The following MAGI1 variants were observed in gnomAD, a reference collection of about 807,000 sequenced individuals.
MAGI1 encodes the protein membrane-associated guanylate kinase, WW and PDZ domain-containing protein 1.
Under a neutral mutation model 139.9 loss-of-function variants are expected in MAGI1, and 58 were observed. The ratio of observed to expected loss-of-function variants is 0.41; its 90% CI spans 0.34 to 0.52. The LOEUF (loss-of-function observed/expected upper bound fraction) is 0.52, where lower values mean the gene tolerates loss of function less well. Ranked by LOEUF, MAGI1 falls within the 20% of genes least tolerant of loss-of-function variation. MAGI1 has a pLI of 0.12. For missense variants in MAGI1, 1,874 were observed against 1,901.6 expected, an observed-to-expected ratio of 0.99 and a Z score of 0.27; for synonymous variants, 812 against 737.9, an observed-to-expected ratio of 1.10 and a Z score of -1.63.
intron 2 of MAGI1, among the ~76,000 whole-genome samples, chr3:65,599,993 T>C (rs2082405955): frequency 6.6e-6 from 1 of 152,248 alleles, no homozygotes; most frequent in Non-Finnish European, 1.5e-5. Flanking sequence ...GGGAATACTT[T>C]ATCAACCATG....
At chr3:65,977,141 T>C (rs2065304208) in intron 1 of MAGI1, among the ~76,000 whole-genome samples, 1 of 152,192 alleles carries the variant, frequency 6.6e-6, no homozygotes, top group Non-Finnish European at 1.5e-5. Context: ...TCTTTCCATC[T>C]AACTTGTGCT....
chr3:65,568,301 C>T (rs904224307), intron 2 of MAGI1, among the ~76,000 whole-genome samples: 5 of 152,094 alleles, frequency 3.3e-5, no homozygotes, highest in Non-Finnish European at 5.9e-5. Context: ...TATTTTTTGA[C>T]TGGACACTTT....
chr3:65,775,914 C>T (rs2038381866), intron 1 of MAGI1, among the ~76,000 whole-genome samples: 2 of 151,040 alleles, frequency 1.3e-5, no homozygotes, highest in African/African-American at 4.9e-5. Context: ...TGCACTTCAG[C>T]CTCAGTCACA....
intron 1 of MAGI1, among the ~76,000 whole-genome samples, chr3:65,772,974 C>A (rs1485451735): frequency 6.6e-6 from 1 of 152,198 alleles, no homozygotes; most frequent in African/African-American, 2.4e-5. Flanking sequence ...GTCTGCAGAA[C>A]TGGGTGAAGA....
intron 2 of MAGI1, among the ~76,000 whole-genome samples, chr3:65,536,557 C>T (rs981643387): frequency 6.6e-6 from 1 of 152,084 alleles, no homozygotes; most frequent in African/African-American, 2.4e-5. Context: ...ATTAGAAATG[C>T]ACTGTTTCAG....
At chr3:65,500,609 G>A (rs1271734878) in intron 2 of MAGI1, among the ~76,000 whole-genome samples, 4 of 152,154 alleles carry the variant, frequency 2.6e-5, no homozygotes, top group Non-Finnish European at 5.9e-5. Flanking sequence ...ATATCCAGTT[G>A]AGGCAGAAAA....
chr3:65,588,393 A>G (rs1431410321), intron 2 of MAGI1, among the ~76,000 whole-genome samples: 2 of 152,182 alleles, frequency 1.3e-5, no homozygotes, highest in African/African-American at 4.8e-5. Flanking sequence ...ACAAAAAGAA[A>G]AAATGCTACC....
chr3:65,713,896 C>T (rs924724858), intron 1 of MAGI1, among the ~76,000 whole-genome samples: 2 of 152,094 alleles, frequency 1.3e-5, no homozygotes, highest in Admixed American at 6.5e-5. Context: ...ATTTAAAGAG[C>T]TTTCACTCCA....
At chr3:65,826,577 T>C (rs1255769699) in intron 1 of MAGI1, among the ~76,000 whole-genome samples, 1 of 152,250 alleles carries the variant, frequency 6.6e-6, no homozygotes, top group Non-Finnish European at 1.5e-5. Context: ...TAGTTATTAT[T>C]ACATATGCTG....
At chr3:65,879,940 G>T (rs1248215842) in intron 1 of MAGI1, among the ~76,000 whole-genome samples, 1 of 152,162 alleles carries the variant, frequency 6.6e-6, no homozygotes, top group Non-Finnish European at 1.5e-5. Flanking sequence ...ATCCCTAACA[G>T]ACACATGGCA....
At chr3:65,896,997 C>G (rs547059679) in intron 1 of MAGI1, among the ~76,000 whole-genome samples, 1 of 152,258 alleles carries the variant, frequency 6.6e-6, no homozygotes, top group African/African-American at 2.4e-5. Flanking sequence ...GCTCACATCT[C>G]TGATATAAAA....
chr3:65,647,849 T>G (rs1224547238), intron 1 of MAGI1, among the ~76,000 whole-genome samples: 4 of 152,308 alleles, frequency 2.6e-5, no homozygotes, highest in African/African-American at 9.6e-5. Context: ...TAATAATTCA[T>G]GGTGAAAAAT....
chr3:65,405,773 T>G (rs1205665974), intron 12 of MAGI1, among the ~76,000 whole-genome samples: 1 of 152,162 alleles, frequency 6.6e-6, no homozygotes, highest in Non-Finnish European at 1.5e-5. Context: ...TTTTGTATTT[T>G]TAGTAGAGAC....
At chr3:65,499,054 C>T (rs1269631623) in intron 2 of MAGI1, 3 of 965,124 alleles carry the variant, frequency 3.1e-6, no homozygotes, top group Non-Finnish European at 2.4e-6. Context: ...AGAAGAAAAC[C>T]GCTCTTAAAA....
In MAGI1 at chr3:65,471,604, T is replaced by C. The variant is rs76750356; in HGVS notation, c.758-1120A>G. Among the ~76,000 whole-genome samples the C allele has an allele frequency of 1.6e-3, 238 of 152,268 alleles. 3 individuals are homozygous for C. The East Asian group carries it at 0.025, about 16-fold the overall frequency. On this transcript the variant is annotated intron_variant, in intron 4 of 22. Transcript: ENST00000402939. The stretch of plus-strand genomic sequence containing the variant: ...TATTCCCAGCCCTGCATCTATTTGC[T>C]CTTCTCCTGCTAGCACCACTCAGGT...
intron 1 of MAGI1, among the ~76,000 whole-genome samples, chr3:65,890,789 T>A (rs568086897): frequency 6.6e-6 from 1 of 152,352 alleles, no homozygotes; most frequent in South Asian, 2.1e-4. Context: ...ATTTTAGAAC[T>A]ATCCCAATAA....
In MAGI1 at chr3:65,771,860, GT is replaced by G. The variant is rs1281920529; in HGVS notation, c.314-149773del. On this transcript the variant is annotated intron_variant, in intron 1 of 22. Coordinates refer to ENST00000402939, the MANE Select transcript of MAGI1 (RefSeq NM_001033057.2). ...AGTCCATTCTATGAGGCTAGATCAT[GT>G]AAGACCTTAATTTATGGTTTGACTA... 5.3e-5 allele frequency among the ~76,000 whole-genome samples: 8 copies of G among 152,332 alleles called. No homozygotes were observed. The East Asian group carries it at 5.8e-4, about 11-fold the overall frequency.
At chr3:65,375,388 C>T (rs577801977) in intron 18 of MAGI1, among the ~76,000 whole-genome samples, 8 of 151,964 alleles carry the variant, frequency 5.3e-5, no homozygotes, top group South Asian at 4.2e-4. Flanking sequence ...GGGGTTCCAC[C>T]GTGTTAGCCA....
intron 1 of MAGI1, among the ~76,000 whole-genome samples, chr3:65,998,243 C>CA: frequency 6.6e-6 from 1 of 152,180 alleles, no homozygotes; most frequent in South Asian, 2.1e-4. Flanking sequence ...GCTGAAATGA[C>CA]AGTGTGTCAT....
Sources: gnomAD v4.1 joint callset for allele counts (sites outside exome capture counted in the v4.1 genomes callset) on GRCh38, gnomAD v4.1.1 for gene constraint, MANE v1.5 for transcripts, NCBI Gene and HGNC (gene_info 2026-07-23, HGNC 2026-07-21) for gene names.